UBE2E1: variants seen among roughly 807,000 people sequenced by gnomAD.
The protein encoded by UBE2E1 is ubiquitin conjugating enzyme E2 E1.
A neutral mutation model predicts 21.4 loss-of-function variants in UBE2E1; 6 were observed. The ratio of observed to expected loss-of-function variants is 0.28; its 90% CI spans 0.15 to 0.55. UBE2E1 has a LOEUF of 0.55. UBE2E1 is among the 20% of genes least tolerant of loss of function. The pLI, the probability that UBE2E1 is intolerant of heterozygous loss-of-function variation, is 0.93. For missense variants in UBE2E1, 142 were observed against 236.5 expected, an observed-to-expected ratio of 0.60 and a Z score of 2.62; for synonymous variants, 87 against 82.7, an observed-to-expected ratio of 1.05 and a Z score of -0.28.
At chr3:23,875,369 C>A (rs1328114219) in intron 3 of UBE2E1, among the ~76,000 whole-genome samples, 1 of 152,048 alleles carries the variant, frequency 6.6e-6, no homozygotes, top group Non-Finnish European at 1.5e-5. Context: ...AATTACTACC[C>A]CCTAGAGACT....
intron 4 of UBE2E1, among the ~76,000 whole-genome samples, chr3:23,888,617 C>A (rs564811687): frequency 1.3e-5 from 2 of 152,100 alleles, no homozygotes; most frequent in African/African-American, 4.8e-5. Context: ...CCTGATGTAA[C>A]GGTCAGAAAA....
chr3:23,822,881 C>G (rs1162810581), intron 3 of UBE2E1, among the ~76,000 whole-genome samples: 2 of 136,170 alleles, frequency 1.5e-5, no homozygotes, highest in Non-Finnish European at 3.1e-5. Context: ...GAGCCTTGCT[C>G]TGTCGCCCAG....
intron 3 of UBE2E1, among the ~76,000 whole-genome samples, chr3:23,815,126 G>A (rs767191580): frequency 3.9e-5 from 6 of 152,032 alleles, no homozygotes; most frequent in Non-Finnish European, 5.9e-5. Flanking sequence ...AACTACAGGC[G>A]TTCGACACTA....
intron 3 of UBE2E1, among the ~76,000 whole-genome samples, chr3:23,831,241 T>C (rs1699858986): frequency 6.6e-6 from 1 of 152,238 alleles, no homozygotes; most frequent in Non-Finnish European, 1.5e-5. Flanking sequence ...CCAGGAATTC[T>C]CTCCAACTCT....
At chr3:23,868,677 A>G (rs1306215963) in intron 3 of UBE2E1, among the ~76,000 whole-genome samples, 2 of 149,014 alleles carry the variant, frequency 1.3e-5, no homozygotes, top group African/African-American at 2.5e-5. Flanking sequence ...TTCTACCTTT[A>G]TTTTGTCCTT....
intron 3 of UBE2E1, among the ~76,000 whole-genome samples, chr3:23,865,341 A>G (rs986049619): frequency 6.6e-6 from 1 of 152,192 alleles, no homozygotes; most frequent in Non-Finnish European, 1.5e-5. Context: ...GAGACTCTTC[A>G]GTCAGTTAAG....
intron 3 of UBE2E1, among the ~76,000 whole-genome samples, chr3:23,845,918 A>AT (rs1037517131): frequency 6.6e-6 from 1 of 152,136 alleles, no homozygotes; most frequent in Non-Finnish European, 1.5e-5. Flanking sequence ...TTTTCTTTAG[A>AT]TTTTTTTAAT....
At chr3:23,826,355 A>G (rs1359305842) in intron 3 of UBE2E1, among the ~76,000 whole-genome samples, 1 of 152,270 alleles carries the variant, frequency 6.6e-6, no homozygotes. Context: ...TAAAGCTAAC[A>G]GAAACAACTT....
In UBE2E1 at chr3:23,825,865, G is replaced by A. The variant is rs561129277; in HGVS notation, c.203+14355G>A. Reference sequence around the variant, plus strand: ...ACGAGGTATTTGGAGAATACCTCACGTAAAATTTCCTACTCATGAAAAGAG... The same window carrying A: ...ACGAGGTATTTGGAGAATACCTCACATAAAATTTCCTACTCATGAAAAGAG... On this transcript the variant is annotated intron_variant, in intron 3 of 5. Transcript: ENST00000306627. Among the ~76,000 whole-genome samples the A allele has an allele frequency of 3.3e-5, 5 of 152,216 alleles. No homozygotes were observed. In the East Asian group the frequency reaches 5.8e-4, roughly 18 times the overall value.
chr3:23,811,140 G>A, intron 2 of UBE2E1: 2 of 392,256 alleles, frequency 5.1e-6, no homozygotes, highest in South Asian at 4.3e-5. Context: ...AGGGACTGAG[G>A]AAACCGGTCG....
chr3:23,857,705 A>G (rs1700472132), intron 3 of UBE2E1, among the ~76,000 whole-genome samples: 1 of 152,210 alleles, frequency 6.6e-6, no homozygotes, highest in African/African-American at 2.4e-5. Flanking sequence ...GTCTGTGGGC[A>G]ACTCCAAGAG....
chr3:23,831,518 CTT>C (rs11430039), intron 3 of UBE2E1, among the ~76,000 whole-genome samples: 1 of 137,190 alleles, frequency 7.3e-6, no homozygotes, highest in Non-Finnish European at 1.5e-5. Flanking sequence ...AAAATGAATA[CTT>C]TTTTTTTTTT....
At chr3:23,875,172 G>A (rs1235588741) in intron 3 of UBE2E1, among the ~76,000 whole-genome samples, 2 of 152,178 alleles carry the variant, frequency 1.3e-5, no homozygotes, top group Non-Finnish European at 1.5e-5. Flanking sequence ...TGTCCCTAGA[G>A]CAGCAGCATA....
chr3:23,858,092 G>A (rs1043134432), intron 3 of UBE2E1, among the ~76,000 whole-genome samples: 1 of 152,160 alleles, frequency 6.6e-6, no homozygotes, highest in African/African-American at 2.4e-5. Context: ...GAGAGGTACT[G>A]AGCTAGTTAA....
At chr3:23,874,240 A>G (rs528262568) in intron 3 of UBE2E1, among the ~76,000 whole-genome samples, 1 of 152,366 alleles carries the variant, frequency 6.6e-6, no homozygotes, top group East Asian at 1.9e-4. Context: ...AGCTCCTTTA[A>G]GAGAATCTTG....
intron 3 of UBE2E1, among the ~76,000 whole-genome samples, chr3:23,840,048 T>G (rs1559481805): frequency 6.6e-6 from 1 of 152,148 alleles, no homozygotes. Flanking sequence ...TGACTTCAAG[T>G]TTCTTATTTT....
At chr3:23,819,598 G>A (rs1438463348) in intron 3 of UBE2E1, among the ~76,000 whole-genome samples, 4 of 152,258 alleles carry the variant, frequency 2.6e-5, no homozygotes, top group Admixed American at 1.3e-4. Context: ...TACAGTGTCC[G>A]AGAAAGGGTA....
In UBE2E1 at chr3:23,879,181, T is replaced by C. The variant is rs558553010; in HGVS notation, c.204-8386T>C. On this transcript the variant is annotated intron_variant, in intron 3 of 5. Coordinates refer to ENST00000306627, the MANE Select transcript of UBE2E1 (RefSeq NM_003341.5). ...TGAAGTTAAGTTTTAGTTTCTTCCATCCTTCCACATCTAGAGTCCACAACA... is the reference window on the plus strand; with the variant it reads ...TGAAGTTAAGTTTTAGTTTCTTCCACCCTTCCACATCTAGAGTCCACAACA... The C allele has an allele frequency of 1.5e-4, 124 of 816,084 alleles. 2 individuals carry two copies. In the South Asian group the frequency reaches 1.6e-3, roughly 11 times the overall value. The allele number at this position is 816,084 out of a possible 1,614,324, so 50.6% of individuals were successfully genotyped here. A position where few individuals can be genotyped will look rare whatever the true frequency, so the allele number is the denominator to read the frequency against.
At chr3:23,846,177 A>C (rs1700198713) in intron 3 of UBE2E1, among the ~76,000 whole-genome samples, 1 of 152,244 alleles carries the variant, frequency 6.6e-6, no homozygotes, top group African/African-American at 2.4e-5. Context: ...TCAGGAAGGG[A>C]TAATTAAATA....
Sources: gnomAD v4.1 joint callset for allele counts (sites outside exome capture counted in the v4.1 genomes callset) on GRCh38, gnomAD v4.1.1 for gene constraint, MANE v1.5 for transcripts, NCBI Gene and HGNC (gene_info 2026-07-23, HGNC 2026-07-21) for gene names.